The following CDK6 variants were observed in gnomAD, a reference collection of about 807,000 sequenced individuals.
CDK6 encodes the protein cyclin-dependent kinase 6.
In CDK6, 6 loss-of-function variants were observed where a neutral mutation model predicts 37.1. The ratio of observed to expected loss-of-function variants is 0.16; its 90% CI spans 0.09 to 0.32. The LOEUF (loss-of-function observed/expected upper bound fraction) is 0.32, where lower values mean the gene tolerates loss of function less well. Among genes scored for constraint, CDK6 ranks in the 10% least tolerant of loss-of-function variants. The probability of loss-of-function intolerance (pLI) is 1.00; values close to 1 mark genes in which losing one functional copy is unlikely to be tolerated. For synonymous variants in CDK6, 160 were observed against 161.3 expected (o/e 0.99, Z 0.06); for missense variants, 224 against 418.9 (o/e 0.53, Z 4.06).
intron 5 of CDK6, among the ~76,000 whole-genome samples, chr7:92,647,358 G>A (rs1433257896): frequency 1.3e-5 from 2 of 152,182 alleles, no homozygotes; most frequent in African/African-American, 2.4e-5. Flanking sequence ...TTTACTCTGG[G>A]TCAGGAAAGG....
In CDK6 at chr7:92,614,943, A is replaced by G. The variant is rs992417137; in HGVS notation, c.*197T>C. On this transcript the variant is annotated 3_prime_UTR_variant, in exon 8 of 8. Transcript: ENST00000424848. ...CAAACAAACAAACAAATGAACATAA[A>G]GCTGCAATCACTCTTGCATTGATTT... The G allele has an allele frequency of 6.2e-6, 3 of 483,760 alleles. No homozygotes were observed. The highest frequency in any genetic ancestry group is 5.7e-5 in the African/African-American group (3 of 52,480). 30.0% of individuals were successfully genotyped at this position (483,760 alleles called of 1,614,324 possible).
chr7:92,625,537 AAAAACAAAAC>A (rs959483688), intron 5 of CDK6, among the ~76,000 whole-genome samples: 6 of 150,208 alleles, frequency 4.0e-5, no homozygotes, highest in African/African-American at 5.0e-5. Context: ...TTTTGCAAAA[AAAAACAAAAC>A]AAAACAAAAC....
chr7:92,827,503 C>G (rs926306985), intron 2 of CDK6, among the ~76,000 whole-genome samples: 2 of 152,180 alleles, frequency 1.3e-5, no homozygotes, highest in Non-Finnish European at 2.9e-5. Context: ...ACATGTGCAG[C>G]TGGTAAAATA....
At chr7:92,641,184 T>C (rs1346359267) in intron 5 of CDK6, among the ~76,000 whole-genome samples, 1 of 152,202 alleles carries the variant, frequency 6.6e-6, no homozygotes, top group East Asian at 1.9e-4. Context: ...AAAGTAAGTA[T>C]CTTGTAAAGA....
chr7:92,654,023 TATC>T (rs375485322), intron 5 of CDK6, among the ~76,000 whole-genome samples: 285 of 152,304 alleles, frequency 1.9e-3, no homozygotes, highest in Middle Eastern at 3.4e-3. Context: ...GAACTTCCAA[TATC>T]ATCCTTTATG....
chr7:92,758,167 C>G (rs1220702126), intron 3 of CDK6, among the ~76,000 whole-genome samples: 1 of 151,882 alleles, frequency 6.6e-6, no homozygotes, highest in Non-Finnish European at 1.5e-5. Flanking sequence ...GCTCACTTGT[C>G]AATTTTTGCT....
intron 5 of CDK6, among the ~76,000 whole-genome samples, chr7:92,627,786 T>A (rs1403331103): frequency 6.6e-6 from 1 of 152,068 alleles, no homozygotes; most frequent in African/African-American, 2.4e-5. Context: ...TGGTGAATTG[T>A]GTGGTTATAT....
Position 92,610,847 on chromosome 7 carries a change from T to C in CDK6, c.*4293A>G, listed in dbSNP as rs754415938. 1.8e-5 allele frequency: 4 copies of C among 228,250 alleles called. No homozygotes were observed. The highest frequency in any genetic ancestry group is 3.5e-5 in the Non-Finnish European group (4 of 115,024). The allele number at this position is 228,250 out of a possible 1,614,324, so 14.1% of individuals were successfully genotyped here. A position where few individuals can be genotyped will look rare whatever the true frequency, so the allele number is the denominator to read the frequency against. ...CAATTTTTCAAAAGTATTGGTGGCATAGGAAACACATGCCTTTTAAAAATT... is the reference window on the plus strand; with the variant it reads ...CAATTTTTCAAAAGTATTGGTGGCACAGGAAACACATGCCTTTTAAAAATT... On this transcript the variant is annotated 3_prime_UTR_variant, in exon 8 of 8. Coordinates refer to ENST00000424848, the MANE Select transcript of CDK6 (RefSeq NM_001145306.2).
rs147863044 is a variant in CDK6, at chr7:92,641,830, C to A, written c.648-18744G>T. ...TAGTGAGATCATTAAATGCATAAGT[C>A]ATTGCTCTTTACTTGACTAAAACCA... On this transcript the variant is annotated intron_variant, in intron 5 of 7. Transcript: ENST00000424848. Among the ~76,000 whole-genome samples, 311 of 152,274 alleles carry A rather than the reference C, an allele frequency of 2.0e-3. 1 individual carries two copies. The highest frequency in any genetic ancestry group is 3.8e-3 in the Non-Finnish European group (260 of 68,028).
At chr7:92,823,377 C>T (rs999117636) in intron 2 of CDK6, among the ~76,000 whole-genome samples, 2 of 134,912 alleles carry the variant, frequency 1.5e-5, no homozygotes, top group African/African-American at 2.7e-5. Flanking sequence ...GATTAAGTTT[C>T]ATGGGCTTAA....
chr7:92,817,657 A>G (rs1801063991), intron 2 of CDK6, among the ~76,000 whole-genome samples: 1 of 151,766 alleles, frequency 6.6e-6, no homozygotes, highest in Non-Finnish European at 1.5e-5. Flanking sequence ...CAGGGCAAAA[A>G]AAGAAAGGAA....
In CDK6 at chr7:92,611,559, T is replaced by C. The variant is rs565327825; in HGVS notation, c.*3581A>G. On this transcript the variant is annotated 3_prime_UTR_variant, in exon 8 of 8. Transcript: ENST00000424848. ...CAATAATGGCCATTACTGACTTTAATAGGCACCACTTGTAAAAGAAGCAGC... is the reference window on the plus strand; with the variant it reads ...CAATAATGGCCATTACTGACTTTAACAGGCACCACTTGTAAAAGAAGCAGC... The C allele has an allele frequency of 5.3e-5, 12 of 228,094 alleles. No individual in the cohort carries two copies. Among genetic ancestry groups the C allele is most frequent in the African/African-American group, 2.0e-4 (9 of 45,200 alleles). 14.1% of individuals were successfully genotyped at this position (228,094 alleles called of 1,614,324 possible). A position where few individuals can be genotyped will look rare whatever the true frequency, so the allele number is the denominator to read the frequency against.
Position 92,609,919 on chromosome 7 carries a change from T to C in CDK6, c.*5221A>G, listed in dbSNP as rs1795525234. Reference sequence around the variant, plus strand: ...TATTTGCAGACAATTGTTCAGAACCTAGGTAACAAGTAAAATATTGAAGTT... The same window carrying C: ...TATTTGCAGACAATTGTTCAGAACCCAGGTAACAAGTAAAATATTGAAGTT... On this transcript the variant is annotated 3_prime_UTR_variant, in exon 8 of 8. Coordinates refer to ENST00000424848, the MANE Select transcript of CDK6 (RefSeq NM_001145306.2). 1 of 230,502 alleles carries C rather than the reference T, an allele frequency of 4.3e-6. No individual in the cohort carries two copies. The highest frequency in any genetic ancestry group is 8.6e-6 in the Non-Finnish European group (1 of 116,476). 14.3% of individuals were successfully genotyped at this position (230,502 alleles called of 1,614,324 possible).
chr7:92,825,896 A>C (rs916581654), intron 2 of CDK6, among the ~76,000 whole-genome samples: 5 of 152,206 alleles, frequency 3.3e-5, no homozygotes, highest in Admixed American at 3.3e-4. Context: ...TGCACAGTTA[A>C]CTATAAGAAT....
intron 5 of CDK6, among the ~76,000 whole-genome samples, chr7:92,665,358 AT>A (rs993988372): frequency 8.6e-5 from 13 of 151,688 alleles, no homozygotes; most frequent in East Asian, 1.9e-4. Context: ...ATTTATAACA[AT>A]TTTTTTTTAG....
intron 4 of CDK6, among the ~76,000 whole-genome samples, chr7:92,692,419 C>T (rs1797618784): frequency 6.6e-6 from 1 of 152,142 alleles, no homozygotes; most frequent in African/African-American, 2.4e-5. Context: ...AAGATAAGTC[C>T]ATATACACCA....
At chr7:92,751,053 G>C (rs370279328) in intron 3 of CDK6, among the ~76,000 whole-genome samples, 8 of 152,024 alleles carry the variant, frequency 5.3e-5, no homozygotes, top group Admixed American at 4.6e-4. Context: ...TTTTACAAAG[G>C]AAATAGACAC....
At chr7:92,719,819 T>TG (rs1162009988) in intron 4 of CDK6, among the ~76,000 whole-genome samples, 1 of 152,172 alleles carries the variant, frequency 6.6e-6, no homozygotes, top group Non-Finnish European at 1.5e-5. Context: ...ATGGCTGTCC[T>TG]GGGGAGTGGC....
chr7:92,658,579 CTT>C (rs937553851), intron 5 of CDK6, among the ~76,000 whole-genome samples: 6 of 142,076 alleles, frequency 4.2e-5, no homozygotes, highest in Admixed American at 1.4e-4. Flanking sequence ...AACTCTCTCT[CTT>C]TCTCTCTCTC....
Sources: allele counts gnomAD v4.1 joint callset (sites outside exome capture counted in the v4.1 genomes callset), GRCh38; gene constraint gnomAD v4.1.1; transcripts MANE v1.5; gene names NCBI Gene and HGNC (gene_info 2026-07-23, HGNC 2026-07-21).